The following RFX4 variants were observed in gnomAD, a reference collection of about 807,000 sequenced individuals.
RFX4 encodes transcription factor RFX4.
RFX4 carries 10 observed loss-of-function variants against 95.0 expected under a neutral mutation model. The observed-to-expected ratio is 0.11, with a 90% CI of 0.06 to 0.18. RFX4 has a LOEUF of 0.18. Among genes scored for constraint, RFX4 ranks in the 10% least tolerant of loss-of-function variants. The pLI, the probability that RFX4 is intolerant of heterozygous loss-of-function variation, is 1.00. For missense variants in RFX4, 640 were observed against 922.0 expected, an observed-to-expected ratio of 0.69 and a Z score of 3.96; for synonymous variants, 321 against 340.7, an observed-to-expected ratio of 0.94 and a Z score of 0.64.
At chr12:106,653,360 T>C (rs781765368) in intron 3 of RFX4, among the ~76,000 whole-genome samples, 1 of 152,252 alleles carries the variant, frequency 6.6e-6, no homozygotes, top group Non-Finnish European at 1.5e-5. Context: ...GTCTGACGTC[T>C]TCTCAGTGCT....
intron 3 of RFX4, among the ~76,000 whole-genome samples, chr12:106,653,292 G>A (rs988614736): frequency 6.6e-6 from 1 of 152,154 alleles, no homozygotes; most frequent in Admixed American, 6.5e-5. Context: ...TTAGCACACG[G>A]TCAGGACATA....
chr12:106,597,344 A>T (rs1335438263), intron 1 of RFX4, among the ~76,000 whole-genome samples: 1 of 152,154 alleles, frequency 6.6e-6, no homozygotes, highest in Non-Finnish European at 1.5e-5. Flanking sequence ...GAGGATTAGA[A>T]TTAGTGTCTT....
intron 4 of RFX4, among the ~76,000 whole-genome samples, chr12:106,666,046 C>A (rs2041171145): frequency 6.6e-6 from 1 of 151,966 alleles, no homozygotes; most frequent in Admixed American, 6.6e-5. Context: ...TTTCTTTTAA[C>A]ATTTCTTGCA....
intron 4 of RFX4, among the ~76,000 whole-genome samples, chr12:106,671,021 A>T (rs1361971883): frequency 6.6e-6 from 1 of 152,174 alleles, no homozygotes; most frequent in Non-Finnish European, 1.5e-5. Flanking sequence ...ATAAAACAGG[A>T]ACTTGTCATT....
intron 6 of RFX4, among the ~76,000 whole-genome samples, chr12:106,688,051 G>C (rs1040086911): frequency 4.0e-5 from 6 of 151,486 alleles, no homozygotes; most frequent in Non-Finnish European, 5.9e-5. Flanking sequence ...GTTTCCCTTG[G>C]GGTATCACAT....
intron 4 of RFX4, among the ~76,000 whole-genome samples, chr12:106,676,396 A>T (rs184917767): frequency 8.7e-4 from 132 of 152,256 alleles, no homozygotes; most frequent in Non-Finnish European, 1.5e-3. Flanking sequence ...GGAAGCAAAG[A>T]GTGGTGTCTG....
intron 8 of RFX4, among the ~76,000 whole-genome samples, chr12:106,705,109 T>G (rs2042059558): frequency 6.6e-6 from 1 of 152,230 alleles, no homozygotes. Flanking sequence ...ATAACTTTTG[T>G]GAGCCTCGAT....
intron 3 of RFX4, among the ~76,000 whole-genome samples, chr12:106,644,396 G>C (rs896248627): frequency 6.6e-6 from 1 of 152,018 alleles, no homozygotes; most frequent in Non-Finnish European, 1.5e-5. Context: ...GCCACATCCA[G>C]CTAATTTTTG....
At chr12:106,587,008 G>A (rs1398258482) in intron 1 of RFX4, among the ~76,000 whole-genome samples, 1 of 152,200 alleles carries the variant, frequency 6.6e-6, no homozygotes, top group African/African-American at 2.4e-5. Context: ...CGGGGCATGT[G>A]CGCCCCCATC....
At chr12:106,664,397 G>T (rs1356667492) in intron 4 of RFX4, among the ~76,000 whole-genome samples, 2 of 151,572 alleles carry the variant, frequency 1.3e-5, no homozygotes, top group Admixed American at 6.6e-5. Context: ...ATCTGTAGTG[G>T]TGTCTCCTCC....
chr12:106,597,099 T>G (rs1411833218), intron 1 of RFX4, among the ~76,000 whole-genome samples: 1 of 152,204 alleles, frequency 6.6e-6, no homozygotes, highest in Non-Finnish European at 1.5e-5. Flanking sequence ...CCTCCCTCCT[T>G]TCTGTCCTTT....
At chr12:106,711,848 G>A (rs1470489108) in intron 10 of RFX4, among the ~76,000 whole-genome samples, 1 of 152,212 alleles carries the variant, frequency 6.6e-6, no homozygotes, top group Non-Finnish European at 1.5e-5. Context: ...TGTATCATCT[G>A]AGTTCAAAGC....
intron 2 of RFX4, among the ~76,000 whole-genome samples, chr12:106,629,639 G>A (rs2040375790): frequency 6.6e-6 from 1 of 152,052 alleles, no homozygotes; most frequent in African/African-American, 2.4e-5. Context: ...GCACCACCAT[G>A]CCTGGCTAAT....
intron 1 of RFX4, among the ~76,000 whole-genome samples, chr12:106,600,617 T>G (rs1335771647): frequency 6.6e-6 from 1 of 152,200 alleles, no homozygotes. Flanking sequence ...GCATCACCTG[T>G]TTAAAGTCCT....
rs190407248 is a variant in RFX4, at chr12:106,587,538, C to A, written c.43+4175C>A. On this transcript the variant is annotated intron_variant, in intron 1 of 17. Transcript: ENST00000392842. Reference sequence around the variant, plus strand: ...GGACCATCCTGCTTCCCAGAGGCTCCGAGGTCTCTAATTTCTCTCCAGCAG... The same window carrying A: ...GGACCATCCTGCTTCCCAGAGGCTCAGAGGTCTCTAATTTCTCTCCAGCAG... Among the ~76,000 whole-genome samples, 35 of 152,246 alleles carry A rather than the reference C, an allele frequency of 2.3e-4. 1 individual carries two copies. In the East Asian group the frequency reaches 6.2e-3, roughly 27 times the overall value.
chr12:106,656,651 C>T (rs2040963819), intron 4 of RFX4, among the ~76,000 whole-genome samples: 1 of 152,142 alleles, frequency 6.6e-6, no homozygotes. Context: ...TGCTTCTCCA[C>T]CCTGCTGTCT....
chr12:106,754,978 G>C (rs2043082765), intron 17 of RFX4, among the ~76,000 whole-genome samples: 1 of 152,212 alleles, frequency 6.6e-6, no homozygotes, highest in Non-Finnish European at 1.5e-5. Flanking sequence ...ATACTCTCTG[G>C]GGGAAGGTAC....
At chr12:106,624,625 G>A (rs2040253564) in intron 2 of RFX4, among the ~76,000 whole-genome samples, 1 of 152,164 alleles carries the variant, frequency 6.6e-6, no homozygotes, top group South Asian at 2.1e-4. Context: ...CCTCGCCCGG[G>A]CTTTTTTTTT....
intron 2 of RFX4, among the ~76,000 whole-genome samples, chr12:106,623,551 T>G (rs944862701): frequency 6.6e-6 from 1 of 152,226 alleles, no homozygotes. Context: ...AAATGTTGTG[T>G]GGTTCACTGT....
Sources: gnomAD v4.1 joint callset for allele counts (sites outside exome capture counted in the v4.1 genomes callset) on GRCh38, gnomAD v4.1.1 for gene constraint, MANE v1.5 for transcripts, NCBI Gene and HGNC (gene_info 2026-07-23, HGNC 2026-07-21) for gene names.